Variants in ZZEF1 observed in about 807,000 individuals in gnomAD.
The protein encoded by ZZEF1 is zinc finger ZZ-type and EF-hand domain-containing protein 1.
In ZZEF1, 157 loss-of-function variants were observed where a neutral mutation model predicts 342.8. The ratio of observed to expected loss-of-function variants is 0.46; its 90% CI spans 0.40 to 0.52. The LOEUF (loss-of-function observed/expected upper bound fraction) is 0.52, where lower values mean the gene tolerates loss of function less well. Among genes scored for constraint, ZZEF1 ranks in the 20% least tolerant of loss-of-function variants. The pLI is 0.00. For synonymous variants in ZZEF1, 1,505 were observed against 1,429.1 expected (o/e 1.05, Z -1.20); for missense variants, 3,480 against 3,725.6 (o/e 0.93, Z 1.72).
At chr17:4,075,552 C>G in intron 21 of ZZEF1, 123 bp from the exon 22 acceptor site, 2 of 1,089,072 alleles carry the variant, frequency 1.8e-6, no homozygotes, top group Admixed American at 5.4e-5. Context: ...CACAAACCAG[C>G]AGGCAGGCTC....
chr17:4,124,877 G>A (rs867223509), intron 1 of ZZEF1, among the ~76,000 whole-genome samples: 3 of 152,100 alleles, frequency 2.0e-5, no homozygotes, highest in South Asian at 4.1e-4. Context: ...GGCCATCTGG[G>A]GAACCTGGGA....
intron 14 of ZZEF1, among the ~76,000 whole-genome samples, chr17:4,086,914 ACT>A (rs1352630536): frequency 3.3e-5 from 5 of 151,970 alleles, no homozygotes; most frequent in Non-Finnish European, 7.4e-5. Flanking sequence ...ACCGAGTCTC[ACT>A]CTGTCTCCCA....
chr17:4,040,131 C>A (rs1456120717), intron 39 of ZZEF1, among the ~76,000 whole-genome samples: 1 of 152,140 alleles, frequency 6.6e-6, no homozygotes, highest in Non-Finnish European at 1.5e-5. Context: ...GAAGACTATG[C>A]AGCAATGTCA....
rs35639314 is a variant in ZZEF1 at position 4,099,543 on chromosome 17, ATT to A, written c.1672+2772_1672+2773del. ...AGCCTAGCTCACAGGTTTGACTGTG[ATT>A]TTTTTTTTTTTTTTTTTGAGACAGA... On this transcript the variant is annotated intron_variant, in intron 9 of 54. Transcript: ENST00000381638. Among the ~76,000 whole-genome samples the A allele has an allele frequency of 2.0e-3, 260 of 131,864 alleles. 2 individuals are homozygous for A. The highest frequency in any genetic ancestry group is 5.2e-3 in the African/African-American group (186 of 35,450). The allele number at this position is 131,864 out of a possible 152,430, so 86.5% of individuals were successfully genotyped here.
intron 29 of ZZEF1, among the ~76,000 whole-genome samples, chr17:4,064,064 G>C (rs749106393): frequency 2.0e-5 from 2 of 98,314 alleles, no homozygotes; most frequent in East Asian, 5.1e-4. Context: ...TGTAGATGGA[G>C]GGGGGGGGGT....
intron 2 of ZZEF1, among the ~76,000 whole-genome samples, chr17:4,118,323 T>C (rs994623867): frequency 1.8e-4 from 27 of 152,276 alleles, no homozygotes; most frequent in African/African-American, 5.5e-4. Flanking sequence ...TGCTGACCCA[T>C]AGTCCAATGT....
Position 4,064,478 on chromosome 17 carries a change from CG to C in ZZEF1, c.4600del (p.Arg1534GlyfsTer17). 2 of 1,614,090 alleles carry C rather than the reference CG, an allele frequency of 1.2e-6. No homozygotes were observed. The highest frequency in any genetic ancestry group is 8.5e-7 in the Non-Finnish European group (1 of 1,180,012). On this transcript the variant is annotated frameshift_variant, in exon 29 of 55. Coordinates refer to ENST00000381638, the MANE Select transcript of ZZEF1 (RefSeq NM_015113.4). LOFTEE classifies it high-confidence loss of function. ...RRPPFTRGRLRLLSFRSMEEA... is the reference protein window; with the variant it reads ...RRPPFTRGRLXLLSFRSMEEA... ...CTCCATGGATCGAAAGGAGAGCAGCCGGAGTCGCCCTCGGGTGAAGGGAGGC... is the reference window on the plus strand; with the variant it reads ...CTCCATGGATCGAAAGGAGAGCAGCCGAGTCGCCCTCGGGTGAAGGGAGGC...
At chr17:4,072,400 G>T (rs1266461186) in intron 25 of ZZEF1, among the ~76,000 whole-genome samples, 1 of 152,174 alleles carries the variant, frequency 6.6e-6, no homozygotes, top group Non-Finnish European at 1.5e-5. Context: ...CCCAAGTCAC[G>T]CATTCAGTAT....
rs757209264 is a variant in ZZEF1, at chr17:4,014,156, T to C, written c.8347A>G (p.Met2783Val). ...DTLYYRFTSD[M>V]SNTEWGYRFT... ...CTGTAGCCCCACTCGGTGTTGCTCA[T>C]GTCGGAGGTGAAGCGGTAATACAGA... The change falls in exon 51 of 55, where the codon ATG becomes GTG. Residue 2783 changes from methionine to valine, a missense_variant. By Grantham distance (21) the Met-to-Val change is conservative. Transcript: ENST00000381638. The surrounding 1 kb of genome is among the most constrained non-coding windows in gnomAD (Gnocchi z 4.4). The C allele has an allele frequency of 1.4e-5, 22 of 1,614,126 alleles. No individual in the cohort carries two copies. The East Asian group carries it at 4.0e-4, about 29-fold the overall frequency.
chr17:4,128,865 G>C (rs1290100330), intron 1 of ZZEF1, among the ~76,000 whole-genome samples: 1 of 143,028 alleles, frequency 7.0e-6, no homozygotes, highest in Admixed American at 7.2e-5. Flanking sequence ...TCCGCCTCCC[G>C]AGTTCAAGCT....
intron 15 of ZZEF1, among the ~76,000 whole-genome samples, chr17:4,086,021 T>A (rs1304559661): frequency 6.6e-6 from 1 of 152,206 alleles, no homozygotes; most frequent in Non-Finnish European, 1.5e-5. Flanking sequence ...TGTCATTACT[T>A]CCCTGTCCTT....
At chr17:4,139,339 A>G (rs1288379057) in intron 1 of ZZEF1, among the ~76,000 whole-genome samples, 3 of 152,252 alleles carry the variant, frequency 2.0e-5, no homozygotes, top group Non-Finnish European at 4.4e-5. Flanking sequence ...AACATGTAAC[A>G]CTTGGAAACT....
intron 39 of ZZEF1, among the ~76,000 whole-genome samples, chr17:4,039,500 G>A (rs945112526): frequency 8.9e-5 from 13 of 145,696 alleles, no homozygotes; most frequent in African/African-American, 2.4e-4. Context: ...AAACAAATCC[G>A]CCCTGCATCC....
Position 4,082,625 on chromosome 17 carries a change from A to T in ZZEF1, c.2647-121T>A, listed in dbSNP as rs1292980757. On this transcript the variant is annotated intron_variant, in intron 16 of 54. Transcript: ENST00000381638. ...CAAGTATGAGGAATGCCAGGCCAGC[A>T]GACTACCTCACAGCACCCCACTAAA... The T allele has an allele frequency of 9.0e-6, 8 of 891,700 alleles. No homozygotes were observed. In the African/African-American group the frequency reaches 1.3e-4, roughly 15 times the overall value. The allele number at this position is 891,700 out of a possible 1,614,324, so 55.2% of individuals were successfully genotyped here. A position where few individuals can be genotyped will look rare whatever the true frequency, so the allele number is the denominator to read the frequency against.
rs374200943 is a variant in ZZEF1, at chr17:4,088,911, G to C, written c.2026-18C>G. The C allele has an allele frequency of 5.6e-5, 90 of 1,610,278 alleles. No individual in the cohort carries two copies. In the African/African-American group the frequency reaches 1.1e-3, roughly 20 times the overall value. On this transcript the variant is annotated intron_variant, in intron 12 of 54. Coordinates refer to ENST00000381638, the MANE Select transcript of ZZEF1 (RefSeq NM_015113.4). ...ATCAAATACTGGACAGGACAAGAGA[G>C]ATTTCAATAGAAGAACTCAGAATCC...
Position 4,104,980 on chromosome 17 carries a change from A to C in ZZEF1, c.1395-169T>G, listed in dbSNP as rs2058187022. 3.3e-5 allele frequency among the ~76,000 whole-genome samples: 5 copies of C among 152,366 alleles called. No homozygotes were observed. In the South Asian group the frequency reaches 1.0e-3, roughly 32 times the overall value. On this transcript the variant is annotated intron_variant, in intron 7 of 54. Transcript: ENST00000381638. Reference sequence around the variant, plus strand: ...CTTAAGGTAACCTAAGGAAAAATTAAATCAATCCAGAGAGCCAGGGAATGA... The same window carrying C: ...CTTAAGGTAACCTAAGGAAAAATTACATCAATCCAGAGAGCCAGGGAATGA...
intron 9 of ZZEF1, among the ~76,000 whole-genome samples, chr17:4,099,304 G>A (rs185646700): frequency 1.2e-4 from 18 of 152,074 alleles, no homozygotes; most frequent in Admixed American, 1.1e-3. Flanking sequence ...AACTCACTGC[G>A]ACCTTACACT....
chr17:4,138,069 G>T (rs2058782881), intron 1 of ZZEF1, among the ~76,000 whole-genome samples: 1 of 152,182 alleles, frequency 6.6e-6, no homozygotes, highest in African/African-American at 2.4e-5. Flanking sequence ...TAGTGCAGGT[G>T]GGGGAAAGGT....
At chr17:4,066,595 A>G in intron 27 of ZZEF1, 55 bp from the exon 28 acceptor site, 1 of 1,522,544 alleles carries the variant, frequency 6.6e-7, no homozygotes, top group Non-Finnish European at 9.1e-7. Flanking sequence ...AAGCAAGGAC[A>G]GCCATGGCAA....
Sources: gnomAD v4.1 joint callset for allele counts (sites outside exome capture counted in the v4.1 genomes callset) on GRCh38, gnomAD v4.1.1 for gene constraint, Gnocchi (gnomAD v3.1) non-coding constraint, MANE v1.5 for transcripts, NCBI Gene and HGNC (gene_info 2026-07-23, HGNC 2026-07-21) for gene names.